The following ANKH variants were observed in gnomAD, a reference collection of about 807,000 sequenced individuals.
The protein encoded by ANKH is mineralization regulator ANKH.
Under a neutral mutation model 49.0 loss-of-function variants are expected in ANKH, and 15 were observed. The observed-to-expected ratio is 0.31, with a 90% CI of 0.20 to 0.47. The LOEUF is 0.47. ANKH is among the 20% of genes least tolerant of loss of function. The pLI is 1.00. For synonymous variants in ANKH, 273 were observed against 260.0 expected (o/e 1.05, Z -0.48); for missense variants, 429 against 652.0 (o/e 0.66, Z 3.72).
At chr5:14,790,569 T>C (rs1740130088) in intron 1 of ANKH, among the ~76,000 whole-genome samples, 1 of 152,250 alleles carries the variant, frequency 6.6e-6, no homozygotes, top group Admixed American at 6.5e-5. Flanking sequence ...TCTTTCTTTT[T>C]GTAAAATGTA....
At chr5:14,757,259 G>A (rs1218805428) in intron 3 of ANKH, among the ~76,000 whole-genome samples, 1 of 151,968 alleles carries the variant, frequency 6.6e-6, no homozygotes, top group African/African-American at 2.4e-5. Flanking sequence ...AGCCAGTTAT[G>A]CACTTACATC....
chr5:14,788,883 A>G, intron 1 of ANKH, among the ~76,000 whole-genome samples: 1 of 152,194 alleles, frequency 6.6e-6, no homozygotes, highest in East Asian at 1.9e-4. Context: ...GGAAAGAAAA[A>G]GGTGCTTCAC....
intron 2 of ANKH, among the ~76,000 whole-genome samples, chr5:14,763,664 G>C (rs1345114603): frequency 2.0e-5 from 3 of 152,256 alleles, no homozygotes; most frequent in African/African-American, 7.2e-5. Flanking sequence ...ACTTGGTGGA[G>C]TGGGGTTCAG....
intron 8 of ANKH, among the ~76,000 whole-genome samples, chr5:14,739,951 G>A (rs1738303168): frequency 6.6e-6 from 1 of 152,160 alleles, no homozygotes; most frequent in Admixed American, 6.5e-5. Context: ...GGAAATGTAA[G>A]CATTTTCCCA....
intron 8 of ANKH, among the ~76,000 whole-genome samples, chr5:14,717,801 C>T (rs375155628): frequency 6.6e-6 from 1 of 152,160 alleles, no homozygotes; most frequent in Non-Finnish European, 1.5e-5. Flanking sequence ...ATTATACTTA[C>T]AGGTTACACA....
intron 2 of ANKH, among the ~76,000 whole-genome samples, chr5:14,762,745 G>A (rs755524375): frequency 9.2e-5 from 14 of 151,494 alleles, no homozygotes; most frequent in Non-Finnish European, 1.6e-4. Flanking sequence ...GGGGGGTGGG[G>A]GGGTAATTTG....
chr5:14,748,839 T>A (rs1738622273), intron 6 of ANKH, among the ~76,000 whole-genome samples: 1 of 152,238 alleles, frequency 6.6e-6, no homozygotes. Flanking sequence ...CATGGAAAAC[T>A]GAGTGGGAGT....
intron 1 of ANKH, among the ~76,000 whole-genome samples, chr5:14,810,764 T>A (rs1740856717): frequency 1.3e-5 from 2 of 152,146 alleles, no homozygotes; most frequent in Admixed American, 1.3e-4. Context: ...AACTTTCTGT[T>A]TCTATGTTTA....
intron 1 of ANKH, among the ~76,000 whole-genome samples, chr5:14,811,286 C>G (rs1740876853): frequency 6.6e-6 from 1 of 152,180 alleles, no homozygotes; most frequent in Admixed American, 6.5e-5. Context: ...AACCACAGCA[C>G]AGCGACAGGG....
chr5:14,746,762 T>C (rs915193674), intron 6 of ANKH, among the ~76,000 whole-genome samples: 7 of 152,204 alleles, frequency 4.6e-5, no homozygotes, highest in Admixed American at 1.3e-4. Context: ...AAGGACAGCT[T>C]GGAGGTTGGA....
chr5:14,809,354 AAAAG>A (rs761615641), intron 1 of ANKH, among the ~76,000 whole-genome samples: 6 of 130,250 alleles, frequency 4.6e-5, no homozygotes, highest in Admixed American at 1.6e-4. Flanking sequence ...AAAAAAAAAA[AAAAG>A]AAAAAAAAAG....
chr5:14,833,396 G>A (rs999473695), intron 1 of ANKH, among the ~76,000 whole-genome samples: 5 of 152,158 alleles, frequency 3.3e-5, no homozygotes, highest in African/African-American at 1.2e-4. Context: ...TCATGGGAAT[G>A]GGTAATAGAC....
intron 1 of ANKH, among the ~76,000 whole-genome samples, chr5:14,813,195 C>T (rs543105931): frequency 2.2e-4 from 33 of 151,828 alleles, no homozygotes; most frequent in African/African-American, 8.0e-4. Context: ...GAGCTATGAT[C>T]AGGCCACTGC....
chr5:14,781,842 A>G (rs901089212), intron 1 of ANKH, among the ~76,000 whole-genome samples: 1 of 152,216 alleles, frequency 6.6e-6, no homozygotes, highest in African/African-American at 2.4e-5. Context: ...TATACTTACA[A>G]AGAGAGATGG....
chr5:14,801,702 T>C (rs565676783), intron 1 of ANKH, among the ~76,000 whole-genome samples: 20 of 152,334 alleles, frequency 1.3e-4, no homozygotes, highest in African/African-American at 4.8e-4. Flanking sequence ...TACTGTGACA[T>C]GAAGCGGGGT....
In ANKH at chr5:14,823,657, T is replaced by C. The variant is rs865860918; in HGVS notation, c.96+47695A>G. ...TAAATCTTTCTTTGGCAGGGCGCGG[T>C]TGCTGATGCCTGTAATCCCAGCATT... On this transcript the variant is annotated intron_variant, in intron 1 of 11. Coordinates refer to ENST00000284268, the MANE Select transcript of ANKH (RefSeq NM_054027.6). Among the ~76,000 whole-genome samples the C allele has an allele frequency of 1.7e-4, 26 of 152,344 alleles. No homozygotes were observed. In the South Asian group the frequency reaches 3.5e-3, roughly 21 times the overall value.
At chr5:14,799,131 C>G (rs909530085) in intron 1 of ANKH, among the ~76,000 whole-genome samples, 116 of 152,192 alleles carry the variant, frequency 7.6e-4, no homozygotes, top group African/African-American at 2.7e-3. Flanking sequence ...GATCAAACCA[C>G]CCACAACATT....
At chr5:14,821,023 G>A (rs1201683607) in intron 1 of ANKH, among the ~76,000 whole-genome samples, 1 of 151,914 alleles carries the variant, frequency 6.6e-6, no homozygotes, top group Non-Finnish European at 1.5e-5. Context: ...GCTTGAGCTT[G>A]GGAGATGGAG....
intron 1 of ANKH, among the ~76,000 whole-genome samples, chr5:14,825,685 T>C (rs1741318697): frequency 6.6e-6 from 1 of 152,158 alleles, no homozygotes; most frequent in Non-Finnish European, 1.5e-5. Flanking sequence ...CTTAGTGCCT[T>C]AGAGGAACCT....
Sources: allele counts gnomAD v4.1 joint callset (sites outside exome capture counted in the v4.1 genomes callset), GRCh38; gene constraint gnomAD v4.1.1; transcripts MANE v1.5; gene names NCBI Gene and HGNC (gene_info 2026-07-23, HGNC 2026-07-21).